Variants in AGAP1 observed in about 807,000 individuals in gnomAD.
AGAP1 encodes ArfGAP with GTPase domain, ankyrin repeat and PH domain 1.
Under a neutral mutation model 105.3 loss-of-function variants are expected in AGAP1, and 29 were observed. The ratio of observed to expected loss-of-function variants is 0.28; its 90% CI spans 0.21 to 0.38. The LOEUF is 0.38. Among genes scored for constraint, AGAP1 ranks in the 10% least tolerant of loss-of-function variants. AGAP1 has a pLI of 1.00. For missense variants in AGAP1, 998 were observed against 1,165.1 expected, an observed-to-expected ratio of 0.86 and a Z score of 2.09; for synonymous variants, 509 against 485.9, an observed-to-expected ratio of 1.05 and a Z score of -0.63.
At chr2:235,987,678 C>A (rs1218986369) in intron 13 of AGAP1, among the ~76,000 whole-genome samples, 1 of 152,078 alleles carries the variant, frequency 6.6e-6, no homozygotes, top group Admixed American at 6.6e-5. Context: ...ACTGTTTTAG[C>A]GGTATCCCAG....
rs926648888 is a variant in AGAP1 at position 235,744,222 on chromosome 2, G to T, written c.397-476G>T. Among the ~76,000 whole-genome samples the T allele has an allele frequency of 3.9e-5, 6 of 152,146 alleles. No individual in the cohort carries two copies. The highest frequency in any genetic ancestry group is 7.2e-5 in the African/African-American group (3 of 41,422). On this transcript the variant is annotated intron_variant, in intron 4 of 17. Transcript: ENST00000304032. This position sits in a 1 kb window ranked among gnomAD's most constrained non-coding sequence, Gnocchi z 5.2. ...AGAGTAGGCCAGCCGCTGCGGTAGC[G>T]AGTGGGAAGGACTGAGGGGTGGGGA... is the stretch of plus-strand genomic sequence containing the variant.
chr2:235,777,751 C>T lies in AGAP1; in HGVS notation c.674-20008C>T, dbSNP rs957595052. Among the ~76,000 whole-genome samples, 4 of 152,202 alleles carry T rather than the reference C, an allele frequency of 2.6e-5. No individual in the cohort carries two copies. Among genetic ancestry groups the T allele is most frequent in the African/African-American group, 9.7e-5 (4 of 41,448 alleles). On this transcript the variant is annotated intron_variant, in intron 6 of 17. Transcript: ENST00000304032. This position sits in a 1 kb window ranked among gnomAD's most constrained non-coding sequence, Gnocchi z 5.1. Reference sequence around the variant, plus strand: ...GCAGATGTCCTGATAAAGGTGCACGCTCAAGTGTTTGAGACGTTAACGAAT... The same window carrying T: ...GCAGATGTCCTGATAAAGGTGCACGTTCAAGTGTTTGAGACGTTAACGAAT...
chr2:235,860,923 C>G (rs996113456), intron 9 of AGAP1, among the ~76,000 whole-genome samples: 1 of 152,210 alleles, frequency 6.6e-6, no homozygotes, highest in Admixed American at 6.5e-5. Flanking sequence ...TACCAAATCT[C>G]TCCCTGTGTA....
At chr2:236,081,017 C>A (rs181409266) in intron 16 of AGAP1, among the ~76,000 whole-genome samples, 32 of 152,328 alleles carry the variant, frequency 2.1e-4, no homozygotes, top group African/African-American at 7.7e-4. Flanking sequence ...ACGTTGACAT[C>A]TTTGGGAGCC....
intron 8 of AGAP1, among the ~76,000 whole-genome samples, chr2:235,805,624 TTTCTCATCAACTGTGATGTGGAGAA>T (rs1311879722): frequency 1.3e-5 from 2 of 152,194 alleles, no homozygotes; most frequent in Non-Finnish European, 2.9e-5. Flanking sequence ...GGAGCCAGCT[TTTCTCATCAACTGTGATGTGGAGAA>T]AAGAATTTAA....
chr2:235,595,961 T>C (rs746625933), intron 1 of AGAP1, among the ~76,000 whole-genome samples: 3 of 152,208 alleles, frequency 2.0e-5, no homozygotes, highest in Non-Finnish European at 2.9e-5. Flanking sequence ...GAAGCAGTAA[T>C]GTATTACTTT....
At position 235,733,170 on chromosome 2, in the gene AGAP1, C is replaced by A. The variant is rs951222581; in HGVS notation, c.311-7793C>A. ...GGGGTGGGAGGAATATATCATTGTT[C>A]CCCTTGAGGTGCCCCCCTGCGTGGG... On this transcript the variant is annotated intron_variant, in intron 3 of 17. Coordinates refer to ENST00000304032, the MANE Select transcript of AGAP1 (RefSeq NM_001037131.3). This position sits in a 1 kb window ranked among gnomAD's most constrained non-coding sequence, Gnocchi z 5.0. Among the ~76,000 whole-genome samples the A allele has an allele frequency of 6.6e-6, 1 of 152,198 alleles. No individual in the cohort carries two copies. The highest frequency in any genetic ancestry group is 1.5e-5 in the Non-Finnish European group (1 of 68,038).
Position 235,787,291 on chromosome 2 carries a change from G to A in AGAP1, c.674-10468G>A, listed in dbSNP as rs997374067. Among the ~76,000 whole-genome samples, 9 of 152,192 alleles carry A rather than the reference G, an allele frequency of 5.9e-5. No homozygotes were observed. Among genetic ancestry groups the A allele is most frequent in the African/African-American group, 1.4e-4 (6 of 41,450 alleles). ...GCTAATGACTTCCTGTTCCACAGGCGTAACACTTTCTAATGTTTCATTCAT... is the reference window on the plus strand; with the variant it reads ...GCTAATGACTTCCTGTTCCACAGGCATAACACTTTCTAATGTTTCATTCAT... On this transcript the variant is annotated intron_variant, in intron 6 of 17. Coordinates refer to ENST00000304032, the MANE Select transcript of AGAP1 (RefSeq NM_001037131.3). The surrounding 1 kb of genome is among the most constrained non-coding windows in gnomAD (Gnocchi z 4.4).
At chr2:235,672,929 C>A (rs374851874) in intron 1 of AGAP1, among the ~76,000 whole-genome samples, 3 of 152,150 alleles carry the variant, frequency 2.0e-5, no homozygotes, top group Non-Finnish European at 2.9e-5. Flanking sequence ...TGTGGTCAGT[C>A]CTTCTCTGGG....
chr2:235,985,059 A>G (rs190271990), intron 13 of AGAP1, among the ~76,000 whole-genome samples: 77 of 152,304 alleles, frequency 5.1e-4, no homozygotes, highest in African/African-American at 1.8e-3. Flanking sequence ...ACTAATTTAC[A>G]TTCCCACCAA....
rs2059903223 is a variant in AGAP1 at position 236,121,656 on chromosome 2, C to G, written c.2370+1209C>G. Among the ~76,000 whole-genome samples the G allele has an allele frequency of 6.6e-6, 1 of 152,158 alleles. No individual in the cohort carries two copies. The highest frequency in any genetic ancestry group is 1.9e-4 in the East Asian group (1 of 5,192). Reference sequence around the variant, plus strand: ...GAATGAGTGAGATATAGACACTACACCAAAATCACACAGATACTCCCTTTT... The same window carrying G: ...GAATGAGTGAGATATAGACACTACAGCAAAATCACACAGATACTCCCTTTT... On this transcript the variant is annotated intron_variant, in intron 17 of 17. Coordinates refer to ENST00000304032, the MANE Select transcript of AGAP1 (RefSeq NM_001037131.3). This position sits in a 1 kb window ranked among gnomAD's most constrained non-coding sequence, Gnocchi z 4.9.
Position 235,733,839 on chromosome 2 carries a change from T to TA in AGAP1, c.311-7114dup, listed in dbSNP as rs928615563. ...TTACTTTGTATTTTACAATGTAAAT[T>TA]AAAAAAAAAAGTTGGGAGAGGAAGT... On this transcript the variant is annotated intron_variant, in intron 3 of 17. Coordinates refer to ENST00000304032, the MANE Select transcript of AGAP1 (RefSeq NM_001037131.3). This position sits in a 1 kb window ranked among gnomAD's most constrained non-coding sequence, Gnocchi z 5.0. 1.5e-4 allele frequency among the ~76,000 whole-genome samples: 23 copies of TA among 149,388 alleles called. No homozygotes were observed. The highest frequency in any genetic ancestry group is 6.3e-4 in the South Asian group (3 of 4,732).
rs576431651 is a variant in AGAP1, at chr2:235,688,918, G to A, written c.164-20261G>A. On this transcript the variant is annotated intron_variant, in intron 1 of 17. Transcript: ENST00000304032. The stretch of plus-strand genomic sequence containing the variant: ...GGGTTTGTTGCTGTGTCACAGTAAC[G>A]CAATTGCAGCAGCAGCAGCCGCACC... Among the ~76,000 whole-genome samples the A allele has an allele frequency of 1.1e-4, 17 of 152,248 alleles. No homozygotes were observed. The South Asian group carries it at 3.5e-3, about 32-fold the overall frequency.
chr2:235,562,989 A>G (rs1473496219), intron 1 of AGAP1, among the ~76,000 whole-genome samples: 1 of 152,116 alleles, frequency 6.6e-6, no homozygotes. Flanking sequence ...GAGCCCAGGA[A>G]GTCAAGGTTG....
chr2:235,563,243 A>G (rs1944224510), intron 1 of AGAP1, among the ~76,000 whole-genome samples: 1 of 151,398 alleles, frequency 6.6e-6, no homozygotes, highest in African/African-American at 2.4e-5. Context: ...GCCCTGGCCC[A>G]CTCGGCGTCC....
chr2:236,123,551 G>A lies in AGAP1; in HGVS notation c.2371-368G>A, dbSNP rs1191035222. ...ATTATGGGTGATTTTTTTTCTTCTT[G>A]AGCTGTTATGTGTTATTTGTGTATT... On this transcript the variant is annotated intron_variant, in intron 17 of 17. Coordinates refer to ENST00000304032, the MANE Select transcript of AGAP1 (RefSeq NM_001037131.3). The surrounding 1 kb of genome is among the most constrained non-coding windows in gnomAD (Gnocchi z 4.6). Among the ~76,000 whole-genome samples, 1 of 151,930 alleles carries A rather than the reference G, an allele frequency of 6.6e-6. No individual in the cohort carries two copies. The highest frequency in any genetic ancestry group is 1.5e-5 in the Non-Finnish European group (1 of 67,984).
At position 236,034,078 on chromosome 2, in the gene AGAP1, C is replaced by T. The variant is rs1001642868; in HGVS notation, c.1646-2483C>T. The stretch of plus-strand genomic sequence containing the variant: ...AGTTATGTAGTTTTTTCATACCTTA[C>T]CTATCTGTTCACTAGGAGAGTTTTG... On this transcript the variant is annotated intron_variant, in intron 13 of 17. Transcript: ENST00000304032. Among the ~76,000 whole-genome samples the T allele has an allele frequency of 2.6e-5, 4 of 152,250 alleles. No homozygotes were observed. In the East Asian group the frequency reaches 5.8e-4, roughly 22 times the overall value.
intron 1 of AGAP1, among the ~76,000 whole-genome samples, chr2:235,597,759 T>G (rs35898683): frequency 0.051 from 5,284 of 104,036 alleles, 83 homozygotes; most frequent in African/African-American, 0.17. Flanking sequence ...CGTGTTTCCT[T>G]TGTGTGGAGC....
chr2:235,869,464 G>A (rs1198368193), intron 9 of AGAP1, among the ~76,000 whole-genome samples: 1 of 146,274 alleles, frequency 6.8e-6, no homozygotes, highest in Non-Finnish European at 1.5e-5. Flanking sequence ...AGCCGGGCGT[G>A]ACGGCAGGTG....
Sources: gnomAD v4.1 joint callset for allele counts (sites outside exome capture counted in the v4.1 genomes callset) on GRCh38, gnomAD v4.1.1 for gene constraint, Gnocchi (gnomAD v3.1) non-coding constraint, MANE v1.5 for transcripts, NCBI Gene and HGNC (gene_info 2026-07-23, HGNC 2026-07-21) for gene names.